Variants in ENTR1 observed in about 807,000 individuals in gnomAD.
ENTR1 encodes the protein endosome associated trafficking regulator 1, also known as endosome-associated-trafficking regulator 1.
A neutral mutation model predicts 47.9 loss-of-function variants in ENTR1; 47 were observed. The observed-to-expected ratio is 0.98, with a 90% CI of 0.78 to 1.25. ENTR1 has a LOEUF of 1.25. Among genes scored for constraint, ENTR1 ranks in the 50% most tolerant of loss-of-function variants. The probability of loss-of-function intolerance (pLI) is 0.00; values close to 1 mark genes in which losing one functional copy is unlikely to be tolerated. For synonymous variants in ENTR1, 290 were observed against 245.8 expected, an observed-to-expected ratio of 1.18 and a Z score of -1.68; for missense variants, 668 against 570.5, an observed-to-expected ratio of 1.17 and a Z score of -1.74.
intron 2 of ENTR1, 45 bp downstream of exon 2, chr9:136,410,045 G>A (rs2131576107): frequency 1.2e-6 from 2 of 1,607,352 alleles, no homozygotes; most frequent in Non-Finnish European, 1.7e-6. Flanking sequence ...CACACGTGGC[G>A]CGGGAACTGG....
Position 136,407,144 on chromosome 9 carries a change from C to G in ENTR1, c.819+1G>C, listed in dbSNP as rs756446930. 9.5e-6 allele frequency: 15 copies of G among 1,586,704 alleles called. No homozygotes were observed. Among genetic ancestry groups the G allele is most frequent in the East Asian group, 6.8e-5 (3 of 44,358 alleles). On this transcript the variant is annotated splice_donor_variant, in intron 5 of 9. Coordinates refer to ENST00000357365, the MANE Select transcript of ENTR1 (RefSeq NM_001039707.2). LOFTEE classifies it high-confidence loss of function. ...CAGAGGGCGCCGTGAGGCTCACTTA[C>G]TGCGTCGTAACTTATCTGCAGCGTC...
chr9:136,406,828 T>C (rs887052007), intron 5 of ENTR1: 1 of 243,166 alleles, frequency 4.1e-6, no homozygotes, highest in Admixed American at 4.9e-5. Context: ...TGATTATAAT[T>C]TTTTAAAAAT....
At position 136,408,343 on chromosome 9, in the gene ENTR1, T is replaced by C. The variant is rs868217667; in HGVS notation, c.290-405A>G. On this transcript the variant is annotated intron_variant, in intron 3 of 9. Coordinates refer to ENST00000357365, the MANE Select transcript of ENTR1 (RefSeq NM_001039707.2). ...GCCTGTACCCCAGCACTGTGGGAGG[T>C]CAAGGCGGGCGGATCACGAGGTCAG... Among the ~76,000 whole-genome samples the C allele has an allele frequency of 1.9e-4, 29 of 151,682 alleles. No homozygotes were observed. In the East Asian group the frequency reaches 2.9e-3, roughly 15 times the overall value.
At chr9:136,409,229 G>A (rs1302716872) in intron 2 of ENTR1, among the ~76,000 whole-genome samples, 162 bp from the exon 3 acceptor site, 2 of 150,344 alleles carry the variant, frequency 1.3e-5, no homozygotes, top group Non-Finnish European at 2.9e-5. Flanking sequence ...CGCCCAAGCT[G>A]GAGTGCAGTG....
Position 136,410,535 on chromosome 9 carries a change from C to T in ENTR1, c.-138G>A, listed in dbSNP as rs1223314887. ...GCCCGCCGCTCGGCCGCCCCCGCGC[C>T]TCCGAGCCTCTCGCCGCTGCTTCCG... is the stretch of plus-strand genomic sequence containing the variant. On this transcript the variant is annotated 5_prime_UTR_variant, in exon 1 of 10. Transcript: ENST00000357365. 5 of 1,076,196 alleles carry T rather than the reference C, an allele frequency of 4.6e-6. No homozygotes were observed. The highest frequency in any genetic ancestry group is 4.7e-6 in the Non-Finnish European group (4 of 857,052). 66.7% of individuals were successfully genotyped at this position (1,076,196 alleles called of 1,614,324 possible).
chr9:136,409,183 CTT>C (rs35168798), intron 2 of ENTR1, 116 bp from the exon 3 acceptor site: 9,060 of 552,044 alleles, frequency 0.016, no homozygotes, highest in South Asian at 0.02. Flanking sequence ...GTCTAGAGAA[CTT>C]TTTTTTTTTT....
chr9:136,406,098 C>T (rs1452515470), intron 5 of ENTR1, 120 bp from the exon 6 acceptor site: 4 of 550,114 alleles, frequency 7.3e-6, no homozygotes, highest in Admixed American at 3.9e-5. Flanking sequence ...GTGCAGCATC[C>T]ACCTGCAGCC....
intron 3 of ENTR1, 24 bp downstream of exon 3, chr9:136,408,975 G>A (rs767517873): frequency 2.7e-5 from 44 of 1,605,550 alleles, no homozygotes; most frequent in South Asian, 3.3e-5. Flanking sequence ...GAGACAAGAA[G>A]AAAAGGTTGC....
At chr9:136,406,840 T>A in intron 5 of ENTR1, 1 of 276,180 alleles carries the variant, frequency 3.6e-6, no homozygotes, top group Non-Finnish European at 6.8e-6. Flanking sequence ...TTTAAAAATT[T>A]TCCTCCTCTT....
chr9:136,404,110 C>T lies in ENTR1; in HGVS notation c.1153G>A (p.Asp385Asn), dbSNP rs1032968054. 37 of 1,613,410 alleles carry T rather than the reference C, an allele frequency of 2.3e-5. No individual in the cohort carries two copies. The highest frequency in any genetic ancestry group is 2.9e-5 in the Non-Finnish European group (34 of 1,179,830). ...ACCCGGAGGTTCTGCAGGGCCACGT[C>T]GGCGTTCTGCTTCACCACGGTCAGG... ...ASLTVVKQNA[D>N]VALQNLRVVM... is the part of the protein sequence containing the mutation. The change falls in exon 9 of 10, where the codon GAC (aspartate) becomes AAC (asparagine). Residue 385 changes from aspartate to asparagine, a missense_variant. By Grantham distance (23) the Asp-to-Asn change is conservative. Transcript: ENST00000357365.
rs767539314 is a variant in ENTR1 at position 136,407,398 on chromosome 9, A to C, written c.566T>G (p.Leu189Arg). Residue 189 changes from leucine (L) to arginine (R), a missense_variant, in exon 5 of 10, where the codon CTG becomes CGG. Coordinates refer to ENST00000357365, the MANE Select transcript of ENTR1 (RefSeq NM_001039707.2). The stretch of plus-strand genomic sequence containing the variant: ...GTGAGTCTGCTCGATGGCGGACGGC[A>C]GGTAGGCCCCACTCCATCCGGTGTC... ...DEDTGWSGAY[L>R]PSAIEQTHPE... The C allele has an allele frequency of 6.2e-6, 10 of 1,607,842 alleles. No homozygotes were observed. In the African/African-American group the frequency reaches 1.2e-4, roughly 19 times the overall value.
chr9:136,405,978 G>A lies in ENTR1; in HGVS notation c.820C>T (p.Leu274=), dbSNP rs371753814. The A allele has an allele frequency of 3.4e-5, 55 of 1,606,512 alleles. No individual in the cohort carries two copies. The East Asian group carries it at 8.9e-4, about 26-fold the overall frequency. Reference sequence around the variant, plus strand: ...CTCAGCTTAGAATTTTCATCTTTCAGCTGTGGAGAGAGAACATCCTTATTA... The same window carrying A: ...CTCAGCTTAGAATTTTCATCTTTCAACTGTGGAGAGAGAACATCCTTATTA... The part of the protein sequence containing the change: ...LRTLQISYDA[L]KDENSKLRRK... Residue 274 remains leucine (L), a splice_region_variant and synonymous_variant, in exon 6 of 10, where the codon CTG becomes TTG. Coordinates refer to ENST00000357365, the MANE Select transcript of ENTR1 (RefSeq NM_001039707.2).
In ENTR1 at chr9:136,410,070, C is replaced by T. The variant is rs1044173191; in HGVS notation, c.220+20G>A. On this transcript the variant is annotated intron_variant, in intron 2 of 9. Coordinates refer to ENST00000357365, the MANE Select transcript of ENTR1 (RefSeq NM_001039707.2). ...GCGGGAACTGGAAGCGTCCCCGGGG[C>T]CGGCGCCCTCGTCTCTCACCTGTGT... is the stretch of plus-strand genomic sequence containing the variant. 13 of 1,612,460 alleles carry T rather than the reference C, an allele frequency of 8.1e-6. No individual in the cohort carries two copies. The Admixed American group carries it at 1.0e-4, about 12-fold the overall frequency.
At position 136,402,676 on chromosome 9, in the gene ENTR1, A is replaced by G. The variant is rs1205211781; in HGVS notation, c.*112T>C. On this transcript the variant is annotated 3_prime_UTR_variant, in exon 10 of 10. Transcript: ENST00000357365. The stretch of plus-strand genomic sequence containing the variant: ...ACGACACTGGACTCTTGCGATCAAC[A>G]CTTTACTCTGGGTGAAGACTGCATA... The G allele has an allele frequency of 4.1e-6, 3 of 730,912 alleles. No individual in the cohort carries two copies. Among genetic ancestry groups the G allele is most frequent in the Non-Finnish European group, 2.3e-6 (1 of 429,450 alleles). 45.3% of individuals were successfully genotyped at this position (730,912 alleles called of 1,614,324 possible).
chr9:136,406,728 C>G (rs1381378074), intron 5 of ENTR1, among the ~76,000 whole-genome samples: 1 of 152,044 alleles, frequency 6.6e-6, no homozygotes, highest in Non-Finnish European at 1.5e-5. Context: ...CCACCCACCT[C>G]GGCCTCCCAA....
At chr9:136,406,988 C>G in intron 5 of ENTR1, 157 bp downstream of exon 5, 1 of 721,010 alleles carries the variant, frequency 1.4e-6, no homozygotes, top group South Asian at 2.0e-5. Flanking sequence ...TAACCAGAAG[C>G]AAAGTCAAAG....
intron 2 of ENTR1, 182 bp downstream of exon 2, chr9:136,409,908 T>C (rs1174325945): frequency 1.3e-6 from 1 of 780,148 alleles, no homozygotes; most frequent in South Asian, 1.5e-5. Flanking sequence ...TTGGGGGAGG[T>C]CTCCCCGCAA....
chr9:136,407,645 C>T (rs1157949278), intron 4 of ENTR1, 84 bp from the exon 5 acceptor site: 11 of 1,476,806 alleles, frequency 7.4e-6, no homozygotes, highest in African/African-American at 1.4e-5. Flanking sequence ...TGCCTCGCAA[C>T]AAGAAGAAAG....
In ENTR1 at chr9:136,407,889, C is replaced by T. The variant is rs780342565; in HGVS notation, c.339G>A (p.Glu113=). ...GGCCGAGGTTCTTGGTCTTCAGAAA[C>T]TCTCTAAAAGAGAATGGATTTGCCT... is the stretch of plus-strand genomic sequence containing the variant. ...LEEANPFSFR[E]FLKTKNLGLS... Residue 113 remains glutamate, a synonymous_variant, in exon 4 of 10, where the codon GAG becomes GAA. Transcript: ENST00000357365. 6.8e-6 allele frequency: 11 copies of T among 1,613,608 alleles called. No individual in the cohort carries two copies. The South Asian group carries it at 9.9e-5, about 14-fold the overall frequency.
Sources: gnomAD v4.1 joint callset for allele counts (sites outside exome capture counted in the v4.1 genomes callset) on GRCh38, gnomAD v4.1.1 for gene constraint, MANE v1.5 for transcripts, NCBI Gene and HGNC (gene_info 2026-07-23, HGNC 2026-07-21) for gene names.